PCDH15: variants seen among roughly 807,000 people sequenced by gnomAD.
PCDH15 encodes protocadherin related 15, also known as protocadherin-15.
A neutral mutation model predicts 178.5 loss-of-function variants in PCDH15; 129 were observed. The ratio of observed to expected loss-of-function variants is 0.72; its 90% CI spans 0.63 to 0.84. The LOEUF (loss-of-function observed/expected upper bound fraction) is 0.84, where lower values mean the gene tolerates loss of function less well. Among genes scored for constraint, PCDH15 ranks in the 40% least tolerant of loss-of-function variants. The pLI, the probability that PCDH15 is intolerant of heterozygous loss-of-function variation, is 0.00. For synonymous variants in PCDH15, 800 were observed against 732.0 expected (o/e 1.09, Z -1.50); for missense variants, 2,230 against 2,099.9 (o/e 1.06, Z -1.21).
intron 1 of PCDH15, among the ~76,000 whole-genome samples, chr10:54,776,075 GT>G (rs1949671635): frequency 6.6e-6 from 1 of 152,038 alleles, no homozygotes; most frequent in South Asian, 2.1e-4. Flanking sequence ...ATTTCCTCCA[GT>G]TCCATCCATG....
intron 3 of PCDH15, among the ~76,000 whole-genome samples, chr10:54,472,594 CA>C (rs1262086903): frequency 2.0e-5 from 3 of 152,202 alleles, no homozygotes; most frequent in Admixed American, 1.3e-4. Context: ...TTGGAACCCT[CA>C]AGAACGTCAT....
intron 20 of PCDH15, among the ~76,000 whole-genome samples, chr10:54,019,539 AACTTACAGT>A (rs2092846004): frequency 6.6e-6 from 1 of 152,114 alleles, no homozygotes; most frequent in Non-Finnish European, 1.5e-5. Context: ...AGAACTGATC[AACTTACAGT>A]ACTTCTTCTC....
At chr10:54,410,696 A>T (rs1215344207) in intron 3 of PCDH15, among the ~76,000 whole-genome samples, 3 of 152,188 alleles carry the variant, frequency 2.0e-5, no homozygotes, top group African/African-American at 7.2e-5. Flanking sequence ...AAATGGAAAC[A>T]GGAGGCCTCC....
chr10:54,409,506 T>C (rs1415842020), intron 3 of PCDH15, among the ~76,000 whole-genome samples: 1 of 152,070 alleles, frequency 6.6e-6, no homozygotes, highest in Non-Finnish European at 1.5e-5. Context: ...CCCAGGGACA[T>C]ATGATATTAA....
At chr10:55,189,119 C>T (rs925054266) in intron 1 of PCDH15, among the ~76,000 whole-genome samples, 2 of 151,784 alleles carry the variant, frequency 1.3e-5, no homozygotes, top group South Asian at 4.1e-4. Context: ...TTCATGGCTA[C>T]ACAAGGAGCA....
At position 54,159,023 on chromosome 10, in the gene PCDH15, G is replaced by A. The variant is rs149225936; in HGVS notation, c.1591-5730C>T. Among the ~76,000 whole-genome samples the A allele has an allele frequency of 6.0e-3, 912 of 151,364 alleles. 6 individuals are homozygous for A. Among genetic ancestry groups the A allele is most frequent in the African/African-American group, 0.02 (845 of 41,240 alleles). ...TTTTGGGAGGCTGAGGCAGGAGAAT[G>A]GCATGAACCCAGGATGTGAAGCTTG... is the stretch of plus-strand genomic sequence containing the variant. On this transcript the variant is annotated intron_variant, in intron 13 of 37. Coordinates refer to ENST00000644397, the MANE Select transcript of PCDH15 (RefSeq NM_001384140.1).
chr10:53,941,565 AT>A (rs2086070817), intron 23 of PCDH15, among the ~76,000 whole-genome samples: 1 of 152,234 alleles, frequency 6.6e-6, no homozygotes, highest in African/African-American at 2.4e-5. Context: ...ATTTCCATAA[AT>A]AAAAAACATC....
intron 25 of PCDH15, among the ~76,000 whole-genome samples, chr10:53,924,993 C>A (rs1005080405): frequency 2.0e-5 from 3 of 152,060 alleles, no homozygotes; most frequent in Non-Finnish European, 2.9e-5. Flanking sequence ...GACCAATCAG[C>A]TCTCTGTAAA....
At chr10:54,756,414 C>G (rs1480536366) in intron 1 of PCDH15, among the ~76,000 whole-genome samples, 1 of 152,136 alleles carries the variant, frequency 6.6e-6, no homozygotes, top group East Asian at 1.9e-4. Flanking sequence ...GGAGAAATAT[C>G]TTGACTACAG....
intron 1 of PCDH15, among the ~76,000 whole-genome samples, chr10:54,674,393 A>G (rs2094740296): frequency 6.6e-6 from 1 of 152,158 alleles, no homozygotes; most frequent in Admixed American, 6.5e-5. Flanking sequence ...TACTTTACCA[A>G]TTTATACTAT....
At chr10:54,699,121 C>T (rs1299814692) in intron 1 of PCDH15, among the ~76,000 whole-genome samples, 1 of 152,058 alleles carries the variant, frequency 6.6e-6, no homozygotes, top group Admixed American at 6.6e-5. Context: ...ATCATAATGG[C>T]ATTCTAACAA....
chr10:55,293,556 C>A (rs1351628509), intron 1 of PCDH15, among the ~76,000 whole-genome samples: 1 of 152,186 alleles, frequency 6.6e-6, no homozygotes, highest in Non-Finnish European at 1.5e-5. Flanking sequence ...CCTTTAACAG[C>A]ACCCAAGTCA....
At chr10:54,413,855 T>G (rs545133941) in intron 3 of PCDH15, among the ~76,000 whole-genome samples, 1 of 152,172 alleles carries the variant, frequency 6.6e-6, no homozygotes, top group South Asian at 2.1e-4. Flanking sequence ...TAATAGACAT[T>G]GGAGACTTAG....
chr10:53,971,484 G>T (rs1012109628), intron 21 of PCDH15, among the ~76,000 whole-genome samples: 3 of 152,160 alleles, frequency 2.0e-5, no homozygotes, highest in African/African-American at 4.8e-5. Context: ...ATTAGGAAAA[G>T]AAGAAGTCAA....
chr10:54,791,903 T>C (rs555446034), intron 1 of PCDH15, among the ~76,000 whole-genome samples: 2 of 152,022 alleles, frequency 1.3e-5, no homozygotes, highest in South Asian at 4.2e-4. Flanking sequence ...GAGTAGCACC[T>C]TTACAATGTG....
intron 25 of PCDH15, among the ~76,000 whole-genome samples, chr10:53,934,698 T>A (rs776837556): frequency 6.6e-6 from 1 of 152,174 alleles, no homozygotes; most frequent in Non-Finnish European, 1.5e-5. Flanking sequence ...AAATTCCCAT[T>A]TCTACATGCT....
At chr10:53,873,027 C>G (rs940345206) in intron 26 of PCDH15, among the ~76,000 whole-genome samples, 7 of 152,166 alleles carry the variant, frequency 4.6e-5, no homozygotes, top group Admixed American at 1.3e-4. Flanking sequence ...CTTTTCACCT[C>G]TCCTCTACAG....
chr10:55,267,571 G>T (rs2132242980), intron 1 of PCDH15, among the ~76,000 whole-genome samples: 2 of 152,280 alleles, frequency 1.3e-5, no homozygotes, highest in South Asian at 4.1e-4. Flanking sequence ...TCCAAATAAG[G>T]TGGTGGGAGA....
intron 2 of PCDH15, among the ~76,000 whole-genome samples, chr10:55,451,280 C>T (rs1237688325): frequency 3.3e-5 from 5 of 151,948 alleles, no homozygotes; most frequent in East Asian, 3.9e-4. Flanking sequence ...GGGTGGATCA[C>T]GAGGTCAGGA....
Sources: allele counts gnomAD v4.1 joint callset (sites outside exome capture counted in the v4.1 genomes callset), GRCh38; gene constraint gnomAD v4.1.1; transcripts MANE v1.5; gene names NCBI Gene and HGNC (gene_info 2026-07-23, HGNC 2026-07-21).